Variants in RNLS observed in about 807,000 individuals in gnomAD.
The protein encoded by RNLS is renalase, FAD dependent amine oxidase.
In RNLS, 39 loss-of-function variants were observed where a neutral mutation model predicts 39.8. The ratio of observed to expected loss-of-function variants is 0.98; its 90% confidence interval spans 0.76 to 1.28. The LOEUF (loss-of-function observed/expected upper bound fraction) is 1.28. Ranked by LOEUF, RNLS falls within the 50% of genes most tolerant of loss-of-function variation. The probability of loss-of-function intolerance (pLI) is 0.00; values close to 1 mark genes in which losing one functional copy is unlikely to be tolerated. For synonymous variants in RNLS, 147 were observed against 150.7 expected (o/e 0.98, Z 0.18); for missense variants, 410 against 413.3 (o/e 0.99, Z 0.07).
intron 4 of RNLS, among the ~76,000 whole-genome samples, chr10:88,487,545 G>A (rs1416074332): frequency 3.9e-5 from 6 of 152,088 alleles, no homozygotes; most frequent in Admixed American, 2.6e-4. Context: ...CTACACACTC[G>A]TTAAAATGGC....
chr10:88,369,391 A>G (rs1850367082), intron 4 of RNLS, among the ~76,000 whole-genome samples: 1 of 152,146 alleles, frequency 6.6e-6, no homozygotes, highest in Non-Finnish European at 1.5e-5. Context: ...TTGGTGACAT[A>G]GGCAGGGGAT....
At chr10:88,442,091 T>G (rs187322668) in intron 4 of RNLS, among the ~76,000 whole-genome samples, 1 of 152,336 alleles carries the variant, frequency 6.6e-6, no homozygotes, top group East Asian at 1.9e-4. Flanking sequence ...TAGAAGCCCT[T>G]CTGCAGAGAC....
intron 4 of RNLS, among the ~76,000 whole-genome samples, chr10:88,556,471 A>T (rs918837788): frequency 1.3e-5 from 2 of 152,132 alleles, no homozygotes; most frequent in African/African-American, 2.4e-5. Context: ...TAAATTCATA[A>T]TCCCTAAATC....
At chr10:88,565,213 G>C (rs181606359) in intron 4 of RNLS, among the ~76,000 whole-genome samples, 34 of 152,090 alleles carry the variant, frequency 2.2e-4, no homozygotes, top group African/African-American at 4.8e-4. Context: ...CTATGTTTCT[G>C]TCATTTTCAC....
At chr10:88,184,414 A>T in the RNLS span, among the ~76,000 whole-genome samples, 1 of 152,064 alleles carries the variant, frequency 6.6e-6, no homozygotes, top group Admixed American at 6.6e-5. Context: ...ATGGGTGTTT[A>T]TTTGGGGGAG....
intron 4 of RNLS, among the ~76,000 whole-genome samples, chr10:88,571,459 C>T (rs1334446346): frequency 1.3e-5 from 2 of 152,152 alleles, no homozygotes; most frequent in East Asian, 1.9e-4. Context: ...GTCAATCATA[C>T]TCAAAGTGAT....
intron 4 of RNLS, among the ~76,000 whole-genome samples, chr10:88,478,602 C>A (rs1347636893): frequency 6.6e-6 from 1 of 152,058 alleles, no homozygotes; most frequent in Non-Finnish European, 1.5e-5. Context: ...CTCCACTGTC[C>A]CCCCAGATAA....
At chr10:88,518,172 A>G (rs1220313326) in intron 4 of RNLS, among the ~76,000 whole-genome samples, 1 of 151,850 alleles carries the variant, frequency 6.6e-6, no homozygotes, top group African/African-American at 2.4e-5. Context: ...TAAGCCCTAG[A>G]TTTTTTATTA....
At chr10:88,217,871 C>T in the RNLS span, among the ~76,000 whole-genome samples, 1 of 151,882 alleles carries the variant, frequency 6.6e-6, no homozygotes, top group Non-Finnish European at 1.5e-5. Flanking sequence ...GAAAACCCAT[C>T]TCTACTAAAA....
intron 4 of RNLS, among the ~76,000 whole-genome samples, chr10:88,393,991 T>G (rs1367619556): frequency 6.6e-6 from 1 of 152,240 alleles, no homozygotes; most frequent in Non-Finnish European, 1.5e-5. Context: ...GCTAGCCATA[T>G]GTAGAAAGCT....
chr10:88,179,254 G>A, the RNLS span, among the ~76,000 whole-genome samples: 1 of 152,164 alleles, frequency 6.6e-6, no homozygotes, highest in South Asian at 2.1e-4. Flanking sequence ...AGTTATTACT[G>A]CAAAGTCCTG....
chr10:88,280,292 G>A (rs1299693638), downstream of RNLS, among the ~76,000 whole-genome samples: 1 of 152,174 alleles, frequency 6.6e-6, no homozygotes, highest in Non-Finnish European at 1.5e-5. Context: ...CTGCATCAAG[G>A]TCACACAATG....
intron 6 of RNLS, among the ~76,000 whole-genome samples, chr10:88,310,043 C>T (rs905023632): frequency 2.0e-5 from 3 of 151,834 alleles, no homozygotes; most frequent in Admixed American, 2.0e-4. Context: ...TGAAACCTCA[C>T]CTCTACAAAA....
chr10:88,357,127 A>T lies in RNLS; in HGVS notation c.700+5425T>A, dbSNP rs183179984. Among the ~76,000 whole-genome samples the T allele has an allele frequency of 2.0e-5, 3 of 152,376 alleles. No individual in the cohort carries two copies. In the East Asian group the frequency reaches 5.8e-4, roughly 29 times the overall value. The stretch of plus-strand genomic sequence containing the variant: ...GGAACTGTTAATTATAATAATACGT[A>T]CCATAAATACTTACTTTCTAAATGC... On this transcript the variant is annotated intron_variant, in intron 5 of 6. Coordinates refer to ENST00000331772, the MANE Select transcript of RNLS (RefSeq NM_001031709.3).
chr10:88,439,935 A>T (rs1048212263), intron 4 of RNLS, among the ~76,000 whole-genome samples: 2 of 152,212 alleles, frequency 1.3e-5, no homozygotes, highest in African/African-American at 4.8e-5. Context: ...CTCCTGTAAG[A>T]AGTAATCAAG....
intron 4 of RNLS, among the ~76,000 whole-genome samples, chr10:88,568,148 C>A (rs1026959142): frequency 1.3e-5 from 2 of 152,050 alleles, no homozygotes; most frequent in African/African-American, 4.8e-5. Context: ...AACAGAGCCA[C>A]AAAAAAGTAA....
intron 3 of RNLS, among the ~76,000 whole-genome samples, chr10:88,578,515 C>G (rs1483433688): frequency 6.6e-6 from 1 of 151,666 alleles, no homozygotes; most frequent in Admixed American, 6.6e-5. Context: ...CCAACAAATC[C>G]TATAGATAAT....
chr10:88,235,843 T>G, the RNLS span, among the ~76,000 whole-genome samples: 1 of 152,130 alleles, frequency 6.6e-6, no homozygotes, highest in African/African-American at 2.4e-5. Flanking sequence ...TTTTTTTGTT[T>G]TTTTTTGAGA....
chr10:88,434,596 T>C (rs1855346499), intron 4 of RNLS, among the ~76,000 whole-genome samples: 1 of 152,194 alleles, frequency 6.6e-6, no homozygotes, highest in South Asian at 2.1e-4. Context: ...ATAACAGTCA[T>C]GGTATTATAC....
Sources: gnomAD v4.1 joint callset for allele counts (sites outside exome capture counted in the v4.1 genomes callset) on GRCh38, gnomAD v4.1.1 for gene constraint, MANE v1.5 for transcripts, NCBI Gene and HGNC (gene_info 2026-07-23, HGNC 2026-07-21) for gene names.